Variants in ATP8B4 observed in about 807,000 individuals in gnomAD.
ATP8B4 encodes the protein probable phospholipid-transporting ATPase IM.
Under a neutral mutation model 145.6 loss-of-function variants are expected in ATP8B4, and 133 were observed. The ratio of observed to expected loss-of-function variants is 0.91; its 90% CI spans 0.79 to 1.05. ATP8B4 has a LOEUF of 1.05. Among genes scored for constraint, ATP8B4 ranks in the 50% least tolerant of loss-of-function variants. The pLI is 0.00. For synonymous variants in ATP8B4, 507 were observed against 492.9 expected, an observed-to-expected ratio of 1.03 and a Z score of -0.38; for missense variants, 1,458 against 1,425.2, an observed-to-expected ratio of 1.02 and a Z score of -0.37.
chr15:49,922,534 T>C, intron 17 of ATP8B4: 4 of 322,624 alleles, frequency 1.2e-5, no homozygotes, highest in South Asian at 1.0e-4. Context: ...TTTTATTTGT[T>C]TATTTGCTTT....
intron 1 of ATP8B4, among the ~76,000 whole-genome samples, chr15:50,116,991 C>T (rs1274096523): frequency 6.6e-6 from 1 of 152,000 alleles, no homozygotes; most frequent in Admixed American, 6.6e-5. Context: ...GTTTCTAATT[C>T]TTACTCATGC....
chr15:49,949,792 T>C (rs951799746), intron 14 of ATP8B4, among the ~76,000 whole-genome samples: 6 of 152,138 alleles, frequency 3.9e-5, no homozygotes, highest in African/African-American at 9.7e-5. Context: ...TGATATTGGT[T>C]GTGGGTTTGT....
intron 3 of ATP8B4, among the ~76,000 whole-genome samples, chr15:50,072,008 T>G (rs1480284844): frequency 6.7e-6 from 1 of 149,970 alleles, no homozygotes; most frequent in African/African-American, 2.5e-5. Context: ...TTAAGCTACC[T>G]CTCCTAAATA....
At chr15:50,068,167 TTAAGA>T in intron 3 of ATP8B4, among the ~76,000 whole-genome samples, 1 of 151,920 alleles carries the variant, frequency 6.6e-6, no homozygotes, top group African/African-American at 2.4e-5. Flanking sequence ...AGATTCTGAG[TTAAGA>T]GGAGAGAGAA....
intron 6 of ATP8B4, among the ~76,000 whole-genome samples, chr15:50,038,255 CA>C (rs2050990301): frequency 6.6e-6 from 1 of 152,122 alleles, no homozygotes. Context: ...ACTGTTCCCA[CA>C]AATACTTTTT....
At chr15:50,161,409 T>C (rs1247829015) in intron 1 of ATP8B4, among the ~76,000 whole-genome samples, 1 of 152,078 alleles carries the variant, frequency 6.6e-6, no homozygotes, top group Non-Finnish European at 1.5e-5. Flanking sequence ...TTCCATTTTG[T>C]TGTTTTCTGG....
chr15:49,862,395 A>G lies in ATP8B4; in HGVS notation c.3167-20T>C. The G allele has an allele frequency of 1.2e-6, 2 of 1,611,052 alleles. No homozygotes were observed. The highest frequency in any genetic ancestry group is 1.7e-6 in the Non-Finnish European group (2 of 1,178,014). ...CATTACCTATCAATCATTAAAGAAA[A>G]TATACACTGTGGTTACAAGTAGGAC... On this transcript the variant is annotated intron_variant, in intron 26 of 27. Coordinates refer to ENST00000284509, the MANE Select transcript of ATP8B4 (RefSeq NM_024837.4).
At chr15:49,894,928 G>C (rs1334524450) in intron 23 of ATP8B4, 1 of 152,196 alleles carries the variant, frequency 6.6e-6, no homozygotes, top group Non-Finnish European at 1.5e-5. Flanking sequence ...CAGATGTATC[G>C]ATGAGTTAGA....
chr15:50,123,807 C>T (rs1445465345), upstream of ATP8B4, among the ~76,000 whole-genome samples: 1 of 152,116 alleles, frequency 6.6e-6, no homozygotes, highest in Non-Finnish European at 1.5e-5. Flanking sequence ...CTCCACATCT[C>T]CAGTTTTTTT....
chr15:50,156,454 T>A (rs2044421466), intron 1 of ATP8B4, among the ~76,000 whole-genome samples: 2 of 152,134 alleles, frequency 1.3e-5, no homozygotes, highest in South Asian at 4.1e-4. Context: ...ATAATGCTGC[T>A]GTAATTTGTA....
At chr15:50,115,032 T>C (rs71469678) in intron 1 of ATP8B4, among the ~76,000 whole-genome samples, 20,058 of 152,174 alleles carry the variant, frequency 0.13, 1,678 homozygotes, top group Non-Finnish European at 0.19. Context: ...TAAAAGACCA[T>C]TCGAATCGTG....
intron 24 of ATP8B4, 61 bp downstream of exon 24, chr15:49,879,315 C>A: frequency 7.0e-7 from 1 of 1,426,736 alleles, no homozygotes; most frequent in Non-Finnish European, 9.7e-7. Flanking sequence ...TACTTAGAAC[C>A]CACAAAAAAC....
intron 16 of ATP8B4, among the ~76,000 whole-genome samples, chr15:49,929,676 A>C (rs2041077140): frequency 6.6e-6 from 1 of 152,060 alleles, no homozygotes; most frequent in Non-Finnish European, 1.5e-5. Flanking sequence ...GGGATGAAGG[A>C]GAATAGTCAG....
chr15:50,174,078 CA>C (rs1275050118), intron 1 of ATP8B4, among the ~76,000 whole-genome samples: 2 of 152,120 alleles, frequency 1.3e-5, no homozygotes, highest in African/African-American at 4.8e-5. Flanking sequence ...AAAAAGCATT[CA>C]ACAAAATCCA....
chr15:49,957,049 T>C (rs528892981), intron 14 of ATP8B4, among the ~76,000 whole-genome samples: 2 of 151,804 alleles, frequency 1.3e-5, no homozygotes, highest in East Asian at 1.9e-4. Context: ...TGTGAAAAGA[T>C]TGCAAAAAAA....
At chr15:50,134,576 G>A (rs1044139238) in intron 1 of ATP8B4, among the ~76,000 whole-genome samples, 4 of 152,174 alleles carry the variant, frequency 2.6e-5, no homozygotes, top group African/African-American at 9.7e-5. Flanking sequence ...GGAGTGCATA[G>A]GAGATAACGG....
At chr15:49,968,558 C>G (rs372015362) in intron 13 of ATP8B4, among the ~76,000 whole-genome samples, 1 of 152,264 alleles carries the variant, frequency 6.6e-6, no homozygotes, top group East Asian at 1.9e-4. Context: ...GGGATCAATG[C>G]AACAAGAAGA....
intron 2 of ATP8B4, among the ~76,000 whole-genome samples, chr15:50,079,764 A>C (rs1489288640): frequency 1.3e-5 from 2 of 152,210 alleles, no homozygotes; most frequent in Non-Finnish European, 2.9e-5. Flanking sequence ...GAATGAATGC[A>C]TAAGCTATGT....
intron 26 of ATP8B4, among the ~76,000 whole-genome samples, chr15:49,863,724 G>A (rs770796070): frequency 2.0e-5 from 3 of 152,034 alleles, no homozygotes; most frequent in Admixed American, 6.5e-5. Flanking sequence ...ATGTCTCTTT[G>A]AGCTCCTTGA....
Sources: gnomAD v4.1 joint callset for allele counts (sites outside exome capture counted in the v4.1 genomes callset) on GRCh38, gnomAD v4.1.1 for gene constraint, MANE v1.5 for transcripts, NCBI Gene and HGNC (gene_info 2026-07-23, HGNC 2026-07-21) for gene names.